The following PCNT variants were observed in gnomAD, a reference collection of about 807,000 sequenced individuals.
PCNT encodes the protein pericentrin.
PCNT carries 319 observed loss-of-function variants against 380.4 expected under a neutral mutation model. The ratio of observed to expected loss-of-function variants is 0.84; its 90% CI spans 0.77 to 0.92. The LOEUF (loss-of-function observed/expected upper bound fraction) is 0.92, where lower values mean the gene tolerates loss of function less well. Among genes scored for constraint, PCNT ranks in the 40% least tolerant of loss-of-function variants. The pLI, the probability that PCNT is intolerant of heterozygous loss-of-function variation, is 0.00. For synonymous variants in PCNT, 1,845 were observed against 1,735.2 expected (o/e 1.06, Z -1.57); for missense variants, 4,400 against 4,255.3 (o/e 1.03, Z -0.95).
chr21:46,326,499 G>A lies in PCNT; in HGVS notation c.177G>A (p.Glu59=), dbSNP rs201808621. Residue 59 remains glutamate (E), a synonymous_variant, in exon 2 of 47, where the codon GAG becomes GAA. Coordinates refer to ENST00000359568, the MANE Select transcript of PCNT (RefSeq NM_006031.6). The stretch of plus-strand genomic sequence containing the variant: ...AGGAGGAGAGTCCGGTAACCAAGGA[G>A]GACAGCGCACTCTGTGGAGGAGGGG... ...SVQEESPVTK[E]DSALCGGGDI... The A allele has an allele frequency of 6.7e-5, 108 of 1,614,104 alleles. No homozygotes were observed. Among genetic ancestry groups the A allele is most frequent in the Non-Finnish European group, 8.8e-5 (104 of 1,180,054 alleles).
At chr21:46,395,958 A>G (rs4818838) in intron 21 of PCNT, among the ~76,000 whole-genome samples, 38,568 of 148,336 alleles carry the variant, frequency 0.26, 7,121 homozygotes, top group African/African-American at 0.52. Context: ...TTCAGGACTC[A>G]GCAGCAGGCA....
intron 2 of PCNT, among the ~76,000 whole-genome samples, chr21:46,330,984 T>A (rs900447524): frequency 3.9e-5 from 6 of 152,182 alleles, no homozygotes; most frequent in South Asian, 2.1e-4. Context: ...CTATGGAGAG[T>A]CTAGTGAGCT....
At chr21:46,399,176 A>G (rs986865506) in intron 24 of PCNT, among the ~76,000 whole-genome samples, 1 of 151,612 alleles carries the variant, frequency 6.6e-6, no homozygotes, top group Non-Finnish European at 1.5e-5. Context: ...ATTCTGTATT[A>G]TAGAGAATGC....
intron 9 of PCNT, among the ~76,000 whole-genome samples, chr21:46,352,371 T>C (rs2084305238): frequency 6.6e-6 from 1 of 152,116 alleles, no homozygotes; most frequent in Admixed American, 6.5e-5. Context: ...TGGGGGTCTG[T>C]CTGTCGCTGG....
At chr21:46,343,908 A>G (rs1376827344) in intron 3 of PCNT, among the ~76,000 whole-genome samples, 15 of 152,094 alleles carry the variant, frequency 9.9e-5, no homozygotes, top group Non-Finnish European at 1.5e-5. Flanking sequence ...GTGCACATAA[A>G]GGTGTTCATA....
At chr21:46,395,149 A>G (rs535052510) in intron 21 of PCNT, among the ~76,000 whole-genome samples, 2 of 152,388 alleles carry the variant, frequency 1.3e-5, no homozygotes, top group South Asian at 4.1e-4. Context: ...TGACAGTGGC[A>G]TCAACATTTA....
At chr21:46,400,203 G>T (rs1258182054) in intron 25 of PCNT, among the ~76,000 whole-genome samples, 3 of 152,212 alleles carry the variant, frequency 2.0e-5, no homozygotes, top group African/African-American at 7.2e-5. Flanking sequence ...GAGATCTCCA[G>T]TGATGGTTTT....
intron 27 of PCNT, among the ~76,000 whole-genome samples, chr21:46,409,790 C>CA (rs1431800885): frequency 6.6e-6 from 1 of 151,902 alleles, no homozygotes; most frequent in African/African-American, 2.4e-5. Context: ...GACCAGGGTG[C>CA]ACCGTGTCGG....
At chr21:46,333,574 G>T (rs1420091478) in intron 2 of PCNT, among the ~76,000 whole-genome samples, 2 of 151,824 alleles carry the variant, frequency 1.3e-5, no homozygotes, top group Non-Finnish European at 2.9e-5. Flanking sequence ...CCACCAGCCT[G>T]GGCGACGGAG....
chr21:46,412,774 C>T, intron 28 of PCNT, 63 bp from the exon 29 acceptor site: 2 of 1,584,040 alleles, frequency 1.3e-6, no homozygotes, highest in Non-Finnish European at 1.7e-6. Flanking sequence ...TCCAGGCCAC[C>T]TGAGGGGCAG....
At chr21:46,385,361 G>A (rs1306642326) in intron 16 of PCNT, among the ~76,000 whole-genome samples, 1 of 152,198 alleles carries the variant, frequency 6.6e-6, no homozygotes, top group Non-Finnish European at 1.5e-5. Context: ...GTCTCAGAAA[G>A]AAAGATCTTT....
chr21:46,406,680 C>T (rs1290989645), intron 27 of PCNT, among the ~76,000 whole-genome samples: 1 of 152,210 alleles, frequency 6.6e-6, no homozygotes, highest in Non-Finnish European at 1.5e-5. Context: ...CCTTGTCTTA[C>T]AGGGAAGTGG....
chr21:46,378,837 C>T (rs2085414400), intron 15 of PCNT, among the ~76,000 whole-genome samples: 1 of 152,136 alleles, frequency 6.6e-6, no homozygotes, highest in African/African-American at 2.4e-5. Flanking sequence ...CCCTCGTCTG[C>T]CCTTTGTGCT....
chr21:46,371,240 G>A lies in PCNT; in HGVS notation c.3165+4101G>A, dbSNP rs1308518819. ...TTTTTTTTTTTTTTTTTTTAAAGAC[G>A]GAGTCTCAAAAAAAGTCTAGAGTGC... is the stretch of plus-strand genomic sequence containing the variant. On this transcript the variant is annotated intron_variant, in intron 15 of 46. Coordinates refer to ENST00000359568, the MANE Select transcript of PCNT (RefSeq NM_006031.6). Among the ~76,000 whole-genome samples, 5 of 147,006 alleles carry A rather than the reference G, an allele frequency of 3.4e-5. No homozygotes were observed. In the East Asian group the frequency reaches 5.9e-4, roughly 17 times the overall value.
chr21:46,381,194 CTCTGTGTGTGTG>C (rs2085522726), intron 15 of PCNT, among the ~76,000 whole-genome samples: 6 of 72,904 alleles, frequency 8.2e-5, no homozygotes, highest in Non-Finnish European at 1.2e-4. Context: ...AAAAAAAAAT[CTCTGTGTGTGTG>C]TGTGTGTGTG....
intron 15 of PCNT, among the ~76,000 whole-genome samples, chr21:46,368,406 C>G (rs1463563205): frequency 6.6e-6 from 1 of 152,048 alleles, no homozygotes; most frequent in African/African-American, 2.4e-5. Flanking sequence ...CGAGATCGCA[C>G]CAGTGCACTC....
chr21:46,411,854 C>A lies in PCNT; in HGVS notation c.5781C>A (p.Ala1927=). 1 of 1,560,162 alleles carries A rather than the reference C, an allele frequency of 6.4e-7. No homozygotes were observed. The highest frequency in any genetic ancestry group is 1.4e-5 in the African/African-American group (1 of 74,042). Residue 1927 remains alanine (A), a synonymous_variant, in exon 28 of 47, where the codon GCC becomes GCA. Transcript: ENST00000359568. ...PELQWLRAQC[A]RLSRQLQVLH... ...TGCAGTGGCTCCGAGCGCAGTGTGCCCGCCTCAGCCGCCAGCTGCAGGTGC... is the reference window on the plus strand; with the variant it reads ...TGCAGTGGCTCCGAGCGCAGTGTGCACGCCTCAGCCGCCAGCTGCAGGTGC...
chr21:46,442,358 A>C, intron 43 of PCNT, 139 bp from the exon 44 acceptor site: 1 of 700,044 alleles, frequency 1.4e-6, no homozygotes, highest in Non-Finnish European at 2.6e-6. Context: ...GAGTCAACAG[A>C]CTGGCCGACC....
At chr21:46,336,837 C>T (rs893945761) in intron 3 of PCNT, among the ~76,000 whole-genome samples, 1 of 152,064 alleles carries the variant, frequency 6.6e-6, no homozygotes, top group Non-Finnish European at 1.5e-5. Flanking sequence ...GGAATACATA[C>T]TGATACCTCA....
Sources: allele counts gnomAD v4.1 joint callset (sites outside exome capture counted in the v4.1 genomes callset), GRCh38; gene constraint gnomAD v4.1.1; transcripts MANE v1.5; gene names NCBI Gene and HGNC (gene_info 2026-07-23, HGNC 2026-07-21).